KDM4C: variants seen among roughly 807,000 people sequenced by gnomAD.
The protein encoded by KDM4C is lysine demethylase 4C, also known as lysine-specific demethylase 4C.
A neutral mutation model predicts 129.3 loss-of-function variants in KDM4C; 81 were observed. That is an observed-to-expected ratio of 0.63 (90% confidence interval 0.52 to 0.75). The LOEUF (loss-of-function observed/expected upper bound fraction) is 0.75, where lower values mean the gene tolerates loss of function less well. Ranked by LOEUF, KDM4C falls within the 30% of genes least tolerant of loss-of-function variation. KDM4C has a pLI of 0.00. For missense variants in KDM4C, 1,457 were observed against 1,304.0 expected (o/e 1.12, Z -1.81); for synonymous variants, 573 against 456.1 (o/e 1.26, Z -3.26).
At chr9:6,913,574 G>A (rs1819723768) in intron 8 of KDM4C, among the ~76,000 whole-genome samples, 1 of 152,166 alleles carries the variant, frequency 6.6e-6, no homozygotes, top group South Asian at 2.1e-4. Flanking sequence ...CTGAAGGGTG[G>A]GTCAGTGGAC....
intron 19 of KDM4C, 101 bp from the exon 20 acceptor site, chr9:7,165,137 C>A: frequency 7.3e-7 from 1 of 1,378,758 alleles, no homozygotes. Flanking sequence ...AACACAGAGG[C>A]AATAACTCCT....
At chr9:7,096,251 GA>G (rs1836420210) in intron 17 of KDM4C, among the ~76,000 whole-genome samples, 1 of 152,158 alleles carries the variant, frequency 6.6e-6, no homozygotes, top group Non-Finnish European at 1.5e-5. Flanking sequence ...TGCTATCAGC[GA>G]AGTGCTTCTT....
At chr9:6,825,799 CTTT>C (rs1833776086) in intron 4 of KDM4C, among the ~76,000 whole-genome samples, 1 of 151,972 alleles carries the variant, frequency 6.6e-6, no homozygotes. Context: ...TGTGGCAAAT[CTTT>C]TTTTTATTTA....
At chr9:6,833,200 A>T (rs886641919) in intron 4 of KDM4C, among the ~76,000 whole-genome samples, 9 of 152,160 alleles carry the variant, frequency 5.9e-5, no homozygotes, top group African/African-American at 2.2e-4. Context: ...TACAAGAGCC[A>T]TCTGTAGATA....
At chr9:6,722,325 G>C (rs1342202160) in intron 1 of KDM4C, among the ~76,000 whole-genome samples, 2 of 152,104 alleles carry the variant, frequency 1.3e-5, no homozygotes, top group Non-Finnish European at 2.9e-5. Context: ...GGCTGGGTTA[G>C]ATGAAATGGA....
chr9:6,987,055 T>C (rs1332639341), intron 11 of KDM4C, among the ~76,000 whole-genome samples: 1 of 152,174 alleles, frequency 6.6e-6, no homozygotes, highest in Non-Finnish European at 1.5e-5. Flanking sequence ...CACAATCATA[T>C]CGACATTGAT....
intron 8 of KDM4C, among the ~76,000 whole-genome samples, chr9:6,935,260 G>A (rs1311154825): frequency 1.3e-5 from 2 of 151,946 alleles, no homozygotes; most frequent in African/African-American, 2.4e-5. Flanking sequence ...TGGCATGTTC[G>A]TAAAATTGTT....
In KDM4C at chr9:7,165,451, A is replaced by G. The variant is rs1284405242; in HGVS notation, c.2901+94A>G. On this transcript the variant is annotated intron_variant, in intron 20 of 21. Transcript: ENST00000381309. ...AGTGTGCTGCTGAACAATAAGCCAC[A>G]TGAATTTGGGACACCTCTTATTTTA... 5.7e-6 allele frequency: 8 copies of G among 1,407,230 alleles called. No individual in the cohort carries two copies. The African/African-American group carries it at 5.7e-5, about 10-fold the overall frequency. The allele number at this position is 1,407,230 out of a possible 1,614,324, so 87.2% of individuals were successfully genotyped here. A position where few individuals can be genotyped will look rare whatever the true frequency, so the allele number is the denominator to read the frequency against.
At chr9:7,115,894 C>T (rs144759181) in intron 18 of KDM4C, among the ~76,000 whole-genome samples, 32 of 152,306 alleles carry the variant, frequency 2.1e-4, no homozygotes, top group African/African-American at 7.7e-4. Flanking sequence ...CAAGTCAATA[C>T]GTCTTTTCTT....
intron 1 of KDM4C, among the ~76,000 whole-genome samples, chr9:6,769,746 G>A (rs112566391): frequency 4.5e-4 from 68 of 151,610 alleles, no homozygotes; most frequent in African/African-American, 1.6e-3. Flanking sequence ...TGCTCCAAGA[G>A]CAAGCACATG....
At chr9:7,030,858 G>T (rs1186751539) in intron 15 of KDM4C, among the ~76,000 whole-genome samples, 1 of 151,944 alleles carries the variant, frequency 6.6e-6, no homozygotes, top group Non-Finnish European at 1.5e-5. Context: ...ACTAGATTTT[G>T]TAATGAAAAA....
intron 4 of KDM4C, among the ~76,000 whole-genome samples, chr9:6,822,408 A>G (rs1182385428): frequency 6.6e-6 from 1 of 152,228 alleles, no homozygotes; most frequent in African/African-American, 2.4e-5. Context: ...TGTTCTCAGG[A>G]GGATGAGATT....
At chr9:7,020,128 C>G (rs1423756739) in intron 15 of KDM4C, among the ~76,000 whole-genome samples, 1 of 152,084 alleles carries the variant, frequency 6.6e-6, no homozygotes, top group East Asian at 1.9e-4. Context: ...CATTCACGTC[C>G]ATTAAAATAA....
chr9:6,859,952 A>G (rs1840628231), intron 5 of KDM4C, among the ~76,000 whole-genome samples: 1 of 152,120 alleles, frequency 6.6e-6, no homozygotes, highest in Admixed American at 6.5e-5. Context: ...GATTCAGACT[A>G]TTAACTGATT....
At chr9:6,990,634 G>A (rs1818578642) in intron 12 of KDM4C, 110 bp downstream of exon 12, 2 of 664,866 alleles carry the variant, frequency 3.0e-6, no homozygotes, top group Non-Finnish European at 5.2e-6. Context: ...TAGCAAATAC[G>A]TACTATTAGG....
intron 5 of KDM4C, among the ~76,000 whole-genome samples, chr9:6,855,363 G>A (rs1214981307): frequency 2.0e-5 from 3 of 148,108 alleles, no homozygotes; most frequent in Non-Finnish European, 4.4e-5. Context: ...GGAGGCTGAG[G>A]CAGGAGAATC....
At chr9:7,080,532 A>G (rs1247085222) in intron 17 of KDM4C, among the ~76,000 whole-genome samples, 2 of 152,218 alleles carry the variant, frequency 1.3e-5, no homozygotes, top group Non-Finnish European at 2.9e-5. Flanking sequence ...TATTAATACA[A>G]TTTATTTGAA....
intron 12 of KDM4C, among the ~76,000 whole-genome samples, chr9:6,994,304 C>G (rs887989313): frequency 6.6e-6 from 1 of 152,154 alleles, no homozygotes; most frequent in Non-Finnish European, 1.5e-5. Flanking sequence ...TAGACAACTT[C>G]TCCTTACCCT....
At chr9:7,139,941 T>C (rs1391901264) in intron 19 of KDM4C, among the ~76,000 whole-genome samples, 1 of 152,034 alleles carries the variant, frequency 6.6e-6, no homozygotes, top group Non-Finnish European at 1.5e-5. Context: ...AGAGCAGTAA[T>C]GAAAGGAAGG....
Sources: gnomAD v4.1 joint callset for allele counts (sites outside exome capture counted in the v4.1 genomes callset) on GRCh38, gnomAD v4.1.1 for gene constraint, MANE v1.5 for transcripts, NCBI Gene and HGNC (gene_info 2026-07-23, HGNC 2026-07-21) for gene names.